Variants in TMC5 observed in about 807,000 individuals in gnomAD.
TMC5 encodes transmembrane channel like 5, also known as transmembrane channel-like protein 5.
Under a neutral mutation model 110.5 loss-of-function variants are expected in TMC5, and 86 were observed. The ratio of observed to expected loss-of-function variants is 0.78; its 90% CI spans 0.65 to 0.93. The LOEUF is 0.93. TMC5 is among the 40% of genes least tolerant of loss of function. TMC5 has a pLI of 0.00. For synonymous variants in TMC5, 455 were observed against 439.5 expected, an observed-to-expected ratio of 1.04 and a Z score of -0.44; for missense variants, 1,144 against 1,222.8, an observed-to-expected ratio of 0.94 and a Z score of 0.96.
chr16:19,479,674 T>A, intron 14 of TMC5, 146 bp downstream of exon 14: 1 of 641,212 alleles, frequency 1.6e-6, no homozygotes, highest in South Asian at 1.9e-5. Context: ...TACTGTTCAC[T>A]TCTAAATTAG....
chr16:19,489,931 G>C (rs1272683932), intron 17 of TMC5, among the ~76,000 whole-genome samples: 1 of 151,884 alleles, frequency 6.6e-6, no homozygotes, highest in Admixed American at 6.6e-5. Context: ...CAGGACCACA[G>C]GCATGTGCTG....
At chr16:19,438,431 G>GAA (rs1441597928) in intron 2 of TMC5, among the ~76,000 whole-genome samples, 8 of 65,552 alleles carry the variant, frequency 1.2e-4, no homozygotes, top group South Asian at 1.8e-3. Flanking sequence ...GAAAAAGAAA[G>GAA]AAAGAGAAAG....
intron 14 of TMC5, 51 bp downstream of exon 14, chr16:19,479,579 C>T: frequency 7.5e-7 from 1 of 1,328,442 alleles, no homozygotes; most frequent in South Asian, 1.2e-5. Flanking sequence ...GTAAACAGAA[C>T]CTGATTCCTG....
intron 3 of TMC5, among the ~76,000 whole-genome samples, chr16:19,441,320 A>AT (rs1186217607): frequency 8.1e-5 from 10 of 122,948 alleles, no homozygotes; most frequent in South Asian, 2.5e-4. Flanking sequence ...TTTTTTTCTT[A>AT]TTTTTTTTAT....
At chr16:19,479,798 T>G (rs984789245) in intron 14 of TMC5, among the ~76,000 whole-genome samples, 2 of 152,076 alleles carry the variant, frequency 1.3e-5, no homozygotes, top group East Asian at 3.9e-4. Flanking sequence ...ACTGAGCCAT[T>G]TGAAATCTTA....
chr16:19,432,011 G>A (rs1967206324), intron 2 of TMC5, among the ~76,000 whole-genome samples: 1 of 152,160 alleles, frequency 6.6e-6, no homozygotes, highest in Non-Finnish European at 1.5e-5. Context: ...TGAGTGTCTG[G>A]GTTTCGTGAG....
rs190143944 is a variant in TMC5 at position 19,455,890 on chromosome 16, C to T, written c.1049-4345C>T. ...CACTGTAAACCCATGTGGATTTCTACAGGCAGATAAAACTACAGATATAAA... is the reference window on the plus strand; with the variant it reads ...CACTGTAAACCCATGTGGATTTCTATAGGCAGATAAAACTACAGATATAAA... On this transcript the variant is annotated intron_variant, in intron 5 of 21. Transcript: ENST00000542583. 1.4e-3 allele frequency among the ~76,000 whole-genome samples: 212 copies of T among 152,252 alleles called. 4 individuals are homozygous for T. The highest frequency in any genetic ancestry group is 0.011 in the East Asian group (58 of 5,172).
chr16:19,460,503 A>T (rs1967994635), intron 6 of TMC5, among the ~76,000 whole-genome samples, 169 bp downstream of exon 6: 2 of 152,216 alleles, frequency 1.3e-5, no homozygotes, highest in African/African-American at 2.4e-5. Flanking sequence ...TCCAGGGGCT[A>T]CAGCTTAATT....
intron 2 of TMC5, among the ~76,000 whole-genome samples, chr16:19,438,417 A>AAAG (rs1555480595): frequency 6.9e-4 from 51 of 73,868 alleles, no homozygotes; most frequent in Non-Finnish European, 1.0e-3. Flanking sequence ...AAGAAGAAAG[A>AAAG]AAAGAAAAAG....
intron 10 of TMC5, 35 bp downstream of exon 10, chr16:19,469,860 C>G: frequency 6.2e-7 from 1 of 1,610,334 alleles, no homozygotes; most frequent in Non-Finnish European, 8.5e-7. Context: ...TTGCCATCGG[C>G]TGGTCTCCTT....
Position 19,498,154 on chromosome 16 carries a change from G to C in TMC5, c.*188G>C. On this transcript the variant is annotated 3_prime_UTR_variant, in exon 22 of 22. Coordinates refer to ENST00000542583, the MANE Select transcript of TMC5 (RefSeq NM_001261841.2). ...GCATTCCATGCTATTTTTAATACCT[G>C]GATTGCTGATTTTTCAAGACAAAAT... The C allele has an allele frequency of 1.7e-6, 1 of 581,256 alleles. No homozygotes were observed. Among genetic ancestry groups the C allele is most frequent in the East Asian group, 3.0e-5 (1 of 33,590 alleles). The allele number at this position is 581,256 out of a possible 1,614,324, so 36.0% of individuals were successfully genotyped here.
Position 19,463,856 on chromosome 16 carries a change from A to C in TMC5, c.1317A>C (p.Gly439=), listed in dbSNP as rs1968090712. ...SLWQKTLKII[G]GKFGTSVLSY... is the part of the protein sequence containing the mutation. ...GGCAGAAGACGCTGAAGATCATTGG[A>C]GGCAAGTTTGGAACCAGCGTCCTCT... Residue 439 remains glycine, a synonymous_variant, in exon 8 of 22, where the codon GGA becomes GGC. Coordinates refer to ENST00000542583, the MANE Select transcript of TMC5 (RefSeq NM_001261841.2). 1 of 1,614,118 alleles carries C rather than the reference A, an allele frequency of 6.2e-7. No individual in the cohort carries two copies.
intron 14 of TMC5, 43 bp from the exon 15 acceptor site, chr16:19,481,327 T>C (rs753121302): frequency 2.2e-6 from 3 of 1,334,678 alleles, no homozygotes; most frequent in South Asian, 1.2e-5. Flanking sequence ...CTTCTGAAAG[T>C]GGGAGTTATG....
intron 1 of TMC5, among the ~76,000 whole-genome samples, chr16:19,423,952 A>C (rs13337514): frequency 0.05 from 7,665 of 152,028 alleles, 281 homozygotes; most frequent in African/African-American, 0.11. Flanking sequence ...CAGGGTTTTG[A>C]CATGTCGGCC....
chr16:19,463,960 C>T lies in TMC5; in HGVS notation c.1421C>T (p.Pro474Leu), dbSNP rs1363668563. 3 of 1,614,036 alleles carry T rather than the reference C, an allele frequency of 1.9e-6. No homozygotes were observed. Among genetic ancestry groups the T allele is most frequent in the Non-Finnish European group, 2.5e-6 (3 of 1,180,032 alleles). ...FILNFSFIII[P>L]QFTVAKKNTL... ...CTGAACTTCAGCTTCATCATAATCC[C>T]TCAGTTTACCGTGGCCAAAAAGAAC... Residue 474 changes from proline (P) to leucine (L), a missense_variant, in exon 8 of 22, where the codon CCT (proline) becomes CTT (leucine). Pro to Leu is a moderately conservative substitution (Grantham distance 98, BLOSUM62 -3). Transcript: ENST00000542583.
At chr16:19,421,606 G>C (rs115383621) in intron 1 of TMC5, among the ~76,000 whole-genome samples, 4 of 152,138 alleles carry the variant, frequency 2.6e-5, no homozygotes, top group African/African-American at 9.7e-5. Flanking sequence ...TGATTACTGG[G>C]ATTTTTGGCC....
chr16:19,456,876 C>T, intron 5 of TMC5: 1 of 1,614,186 alleles, frequency 6.2e-7, no homozygotes, highest in East Asian at 2.2e-5. Flanking sequence ...GACTCTCAGA[C>T]AGTCAGCAAA....
At chr16:19,453,087 A>T (rs538504779) in intron 5 of TMC5, among the ~76,000 whole-genome samples, 1 of 148,862 alleles carries the variant, frequency 6.7e-6, no homozygotes, top group African/African-American at 2.6e-5. Flanking sequence ...GAAATAGAGG[A>T]CCAAAAGATG....
At chr16:19,454,077 T>G (rs1356279025) in intron 5 of TMC5, among the ~76,000 whole-genome samples, 1 of 152,060 alleles carries the variant, frequency 6.6e-6, no homozygotes, top group East Asian at 1.9e-4. Flanking sequence ...AGGCAGAGTT[T>G]CACTCTGTCC....
Sources: allele counts gnomAD v4.1 joint callset (sites outside exome capture counted in the v4.1 genomes callset), GRCh38; gene constraint gnomAD v4.1.1; transcripts MANE v1.5; gene names NCBI Gene and HGNC (gene_info 2026-07-23, HGNC 2026-07-21).